LHFPL3: variants seen among roughly 807,000 people sequenced by gnomAD.
LHFPL3 encodes the protein LHFPL tetraspan subfamily member 3, also known as LHFPL tetraspan subfamily member 3 protein.
Under a neutral mutation model 19.3 loss-of-function variants are expected in LHFPL3, and 5 were observed. The observed-to-expected ratio is 0.26, with a 90% CI of 0.14 to 0.54. The LOEUF is 0.54. LHFPL3 is among the 20% of genes least tolerant of loss of function. LHFPL3 has a pLI of 0.94. For missense variants in LHFPL3, 249 were observed against 307.4 expected, an observed-to-expected ratio of 0.81 and a Z score of 1.42; for synonymous variants, 133 against 126.2, an observed-to-expected ratio of 1.05 and a Z score of -0.36.
chr7:104,790,045 A>G (rs1259244256), intron 2 of LHFPL3, among the ~76,000 whole-genome samples: 2 of 152,122 alleles, frequency 1.3e-5, no homozygotes, highest in African/African-American at 2.4e-5. Context: ...TGTATTCAAA[A>G]CTGTCTTGCA....
chr7:104,691,152 C>A (rs1419162821), intron 1 of LHFPL3, among the ~76,000 whole-genome samples: 2 of 152,180 alleles, frequency 1.3e-5, no homozygotes, highest in Non-Finnish European at 2.9e-5. Context: ...TATCATGAAC[C>A]AGGTGCTTTC....
At chr7:104,618,146 C>T (rs770706906) in intron 1 of LHFPL3, among the ~76,000 whole-genome samples, 12 of 152,190 alleles carry the variant, frequency 7.9e-5, no homozygotes, top group Non-Finnish European at 1.6e-4. Flanking sequence ...AGATGTTTTT[C>T]ATCCTGGCTC....
intron 1 of LHFPL3, among the ~76,000 whole-genome samples, chr7:104,531,827 C>T (rs1247868753): frequency 2.6e-5 from 4 of 152,264 alleles, no homozygotes; most frequent in Non-Finnish European, 5.9e-5. Context: ...ATGGGGCTCT[C>T]CTCCTGGTGG....
intron 2 of LHFPL3, among the ~76,000 whole-genome samples, chr7:104,881,034 C>T (rs929247536): frequency 1.3e-5 from 2 of 151,748 alleles, no homozygotes; most frequent in Non-Finnish European, 2.9e-5. Flanking sequence ...GCCGGGCGTG[C>T]TAGCAGGCAC....
chr7:104,416,725 A>G (rs569552950), intron 1 of LHFPL3, among the ~76,000 whole-genome samples: 5 of 152,252 alleles, frequency 3.3e-5, no homozygotes, highest in Non-Finnish European at 5.9e-5. Context: ...TATGAGTATT[A>G]AAGTACGTAT....
intron 2 of LHFPL3, among the ~76,000 whole-genome samples, chr7:104,816,060 T>C (rs1056316418): frequency 6.6e-5 from 10 of 152,106 alleles, no homozygotes; most frequent in Non-Finnish European, 1.3e-4. Context: ...TGTCACCTAT[T>C]CTAGGACACT....
intron 2 of LHFPL3, among the ~76,000 whole-genome samples, chr7:104,842,391 G>A (rs1186685552): frequency 6.6e-6 from 1 of 152,046 alleles, no homozygotes; most frequent in African/African-American, 2.4e-5. Flanking sequence ...GCCTGGGGAG[G>A]GGACTGGGCC....
chr7:104,345,141 AT>A (rs1381392683), intron 1 of LHFPL3, among the ~76,000 whole-genome samples: 1 of 152,106 alleles, frequency 6.6e-6, no homozygotes, highest in Non-Finnish European at 1.5e-5. Context: ...GTAAAGATAT[AT>A]TTTCCTAAGA....
Position 104,736,714 on chromosome 7 carries a change from G to T in LHFPL3, c.485G>T (p.Gly162Val). 1 of 1,613,492 alleles carries T rather than the reference G, an allele frequency of 6.2e-7. No individual in the cohort carries two copies. Among genetic ancestry groups the T allele is most frequent in the Non-Finnish European group, 8.5e-7 (1 of 1,179,784 alleles). The stretch of plus-strand genomic sequence containing the variant: ...CTTGGCTGTATGATTTTCCCTGATG[G>T]CTGGGACTCAGATGAAGTAAAACGG... Reference protein sequence around the residue: ...LVLGCMIFPDGWDSDEVKRMC... With the variant: ...LVLGCMIFPDVWDSDEVKRMC... The change falls in exon 2 of 3, where the codon GGC (glycine) becomes GTC (valine). Residue 162 changes from glycine (G) to valine (V), a missense_variant. By Grantham distance (109) the Gly-to-Val change is moderately radical. Transcript: ENST00000424859.
At chr7:104,509,773 CATACAG>C (rs1234547158) in intron 1 of LHFPL3, among the ~76,000 whole-genome samples, 1 of 151,910 alleles carries the variant, frequency 6.6e-6, no homozygotes, top group Non-Finnish European at 1.5e-5. Context: ...AAATAAAAGA[CATACAG>C]ATACAAAGAA....
At chr7:104,703,426 G>A (rs1388762250) in intron 1 of LHFPL3, among the ~76,000 whole-genome samples, 1 of 152,126 alleles carries the variant, frequency 6.6e-6, no homozygotes, top group Non-Finnish European at 1.5e-5. Context: ...TTTTGCCTCA[G>A]TCTGCTATGT....
intron 2 of LHFPL3, among the ~76,000 whole-genome samples, chr7:104,825,877 GT>G (rs1429097435): frequency 2.0e-5 from 3 of 151,860 alleles, no homozygotes; most frequent in Non-Finnish European, 4.4e-5. Context: ...TCTTTAAAGA[GT>G]TTTTTTAGAT....
intron 1 of LHFPL3, among the ~76,000 whole-genome samples, chr7:104,380,005 A>G (rs1017554549): frequency 2.0e-5 from 3 of 152,224 alleles, no homozygotes; most frequent in African/African-American, 7.2e-5. Context: ...TTTATATTGT[A>G]AAGTCTTATC....
At chr7:104,604,746 C>CT (rs933070206) in intron 1 of LHFPL3, among the ~76,000 whole-genome samples, 8 of 152,130 alleles carry the variant, frequency 5.3e-5, no homozygotes, top group African/African-American at 1.9e-4. Flanking sequence ...TGATATGACT[C>CT]TTTTTTTAAC....
intron 2 of LHFPL3, among the ~76,000 whole-genome samples, chr7:104,837,868 T>C (rs940189716): frequency 1.3e-5 from 2 of 152,230 alleles, no homozygotes; most frequent in Non-Finnish European, 2.9e-5. Context: ...CGGTGTTTGA[T>C]AGACATTATT....
chr7:104,617,208 T>C (rs893727266), intron 1 of LHFPL3, among the ~76,000 whole-genome samples: 5 of 152,146 alleles, frequency 3.3e-5, no homozygotes, highest in Admixed American at 2.6e-4. Context: ...GCCTTTTAAA[T>C]AAAATATAAA....
At chr7:104,608,832 T>C (rs1373907465) in intron 1 of LHFPL3, among the ~76,000 whole-genome samples, 1 of 152,082 alleles carries the variant, frequency 6.6e-6, no homozygotes, top group Non-Finnish European at 1.5e-5. Context: ...CGTGGACAAA[T>C]TACAGAACCC....
intron 1 of LHFPL3, among the ~76,000 whole-genome samples, chr7:104,448,736 C>T (rs1792377431): frequency 6.6e-6 from 1 of 152,152 alleles, no homozygotes; most frequent in African/African-American, 2.4e-5. Context: ...GGACACAGCA[C>T]TCCATGAATT....
intron 1 of LHFPL3, among the ~76,000 whole-genome samples, chr7:104,370,741 G>A (rs1385789882): frequency 6.6e-6 from 1 of 152,058 alleles, no homozygotes; most frequent in African/African-American, 2.4e-5. Context: ...AATTAGCTGG[G>A]TGTGGTGGCG....
Sources: gnomAD v4.1 joint callset for allele counts (sites outside exome capture counted in the v4.1 genomes callset) on GRCh38, gnomAD v4.1.1 for gene constraint, MANE v1.5 for transcripts, NCBI Gene and HGNC (gene_info 2026-07-23, HGNC 2026-07-21) for gene names.